Variants in SCLY observed in about 807,000 individuals in gnomAD.
SCLY encodes selenocysteine lyase.
In SCLY, 38 loss-of-function variants were observed where a neutral mutation model predicts 50.1. The observed-to-expected ratio is 0.76, with a 90% CI of 0.59 to 0.99. The LOEUF is 0.99. Ranked by LOEUF, SCLY falls within the 50% of genes least tolerant of loss-of-function variation. The pLI is 0.00. For missense variants in SCLY, 600 were observed against 620.0 expected, an observed-to-expected ratio of 0.97 and a Z score of 0.34; for synonymous variants, 243 against 249.4, an observed-to-expected ratio of 0.97 and a Z score of 0.24.
intron 4 of SCLY, among the ~76,000 whole-genome samples, chr2:238,071,510 A>G (rs1216324922): frequency 4.6e-5 from 7 of 152,104 alleles, no homozygotes; most frequent in African/African-American, 1.2e-4. Flanking sequence ...TCGGGAGGCT[A>G]AGGAGGAGAA....
intron 7 of SCLY, among the ~76,000 whole-genome samples, chr2:238,087,297 A>G (rs1163376931): frequency 6.6e-6 from 1 of 152,194 alleles, no homozygotes; most frequent in Non-Finnish European, 1.5e-5. Flanking sequence ...CAGAGAAGTT[A>G]TAACATCAGG....
At chr2:238,089,542 G>A (rs2065340368) in intron 7 of SCLY, among the ~76,000 whole-genome samples, 1 of 152,072 alleles carries the variant, frequency 6.6e-6, no homozygotes, top group South Asian at 2.1e-4. Flanking sequence ...CACCAAGCTT[G>A]TCCAACCTGC....
At position 238,083,310 on chromosome 2, in the gene SCLY, C is replaced by T; in HGVS notation, c.840C>T (p.Tyr280=). The change falls in exon 7 of 12, where the codon TAC becomes TAT. Residue 280 remains tyrosine (Y), a synonymous_variant. Transcript: ENST00000254663. This position sits in a 1 kb window ranked among gnomAD's most constrained non-coding sequence, Gnocchi z 4.3. ...IRGLGEFTPL[Y]PMLFGGGQER... ...GACTTGGTGAATTTACCCCTCTCTA[C>T]CCTATGCTATTTGGAGGTGGACAAG... The T allele has an allele frequency of 6.2e-7, 1 of 1,613,994 alleles. No individual in the cohort carries two copies.
At chr2:238,079,218 G>T (rs1256480425) in intron 4 of SCLY, 1 of 151,304 alleles carries the variant, frequency 6.6e-6, no homozygotes, top group East Asian at 1.9e-4. Flanking sequence ...GGGACTACAG[G>T]CATATCCCAT....
chr2:238,080,177 G>A (rs912696656), intron 4 of SCLY: 3 of 150,698 alleles, frequency 2.0e-5, no homozygotes, highest in Admixed American at 2.0e-4. Flanking sequence ...TCTATTTGAT[G>A]AGCCATTGTC....
chr2:238,063,256 G>GC (rs1335096710), intron 1 of SCLY, among the ~76,000 whole-genome samples: 1 of 141,792 alleles, frequency 7.1e-6, no homozygotes, highest in African/African-American at 2.6e-5. Flanking sequence ...TTTTGTTGTT[G>GC]TTTTTTTTTT....
chr2:238,061,709 A>G lies in SCLY; in HGVS notation c.89+566A>G, dbSNP rs538602724. 2.0e-5 allele frequency among the ~76,000 whole-genome samples: 3 copies of G among 152,116 alleles called. No individual in the cohort carries two copies. In the South Asian group the frequency reaches 6.2e-4, roughly 32 times the overall value. ...TGCGCCCAGAAACGGATGCGTTGGTAGGAAGCTGGTGCACTGGGGCAGGTG... is the reference window on the plus strand; with the variant it reads ...TGCGCCCAGAAACGGATGCGTTGGTGGGAAGCTGGTGCACTGGGGCAGGTG... On this transcript the variant is annotated intron_variant, in intron 1 of 11. Coordinates refer to ENST00000254663, the MANE Select transcript of SCLY (RefSeq NM_016510.7).
rs1420036586 is a variant in SCLY, at chr2:238,061,115, G to T, written c.61G>T (p.Gly21Cys). ...APAPAASQPS[G>C]CGKHNSPERK... ...GGCACCCGCGGCGAGTCAGCCCAGC[G>T]GCTGCGGGAAACACAACTCGCCGGA... The change falls in exon 1 of 12, where the codon GGC becomes TGC. Residue 21 changes from glycine to cysteine, a missense_variant. Physicochemically the swap from Gly to Cys is radical, Grantham distance 159. Transcript: ENST00000254663. 7 of 1,448,418 alleles carry T rather than the reference G, an allele frequency of 4.8e-6. No individual in the cohort carries two copies. In the South Asian group the frequency reaches 9.6e-5, roughly 20 times the overall value. 89.7% of individuals were successfully genotyped at this position (1,448,418 alleles called of 1,614,324 possible).
rs578167372 is a variant in SCLY at position 238,069,171 on chromosome 2, G to A, written c.304-126G>A. On this transcript the variant is annotated intron_variant, in intron 3 of 11. Transcript: ENST00000254663. This position sits in a 1 kb window ranked among gnomAD's most constrained non-coding sequence, Gnocchi z 5.0. ...CAAATCTTTCAAAAGGTCCCACTCA[G>A]GAAGTTGAATTTCTTTGAAGCTTTT... 83 of 829,400 alleles carry A rather than the reference G, an allele frequency of 1.0e-4. 1 individual carries two copies. Among genetic ancestry groups the A allele is most frequent in the Non-Finnish European group, 1.4e-4 (76 of 536,494 alleles). The allele number at this position is 829,400 out of a possible 1,614,324, so 51.4% of individuals were successfully genotyped here. A position where few individuals can be genotyped will look rare whatever the true frequency, so the allele number is the denominator to read the frequency against.
intron 2 of SCLY, among the ~76,000 whole-genome samples, chr2:238,065,839 T>TA (rs1321110369): frequency 6.6e-6 from 1 of 151,942 alleles, no homozygotes; most frequent in African/African-American, 2.4e-5. Context: ...CATGCCTGGC[T>TA]AATTTTTGTA....
intron 7 of SCLY, among the ~76,000 whole-genome samples, chr2:238,084,735 G>A (rs1331186365): frequency 1.4e-5 from 2 of 145,810 alleles, no homozygotes; most frequent in Non-Finnish European, 3.0e-5. Flanking sequence ...TCTACTAAAA[G>A]TACGAAAAAT....
intron 7 of SCLY, among the ~76,000 whole-genome samples, chr2:238,089,646 CG>C (rs1389951134): frequency 7.1e-5 from 8 of 112,066 alleles, no homozygotes; most frequent in African/African-American, 9.9e-5. Context: ...TTTTTTTTTG[CG>C]ATTTTTTTTT....
At position 238,084,948 on chromosome 2, in the gene SCLY, T is replaced by TG. The variant is rs1228397261; in HGVS notation, c.884+1596dup. On this transcript the variant is annotated intron_variant, in intron 7 of 11. Coordinates refer to ENST00000254663, the MANE Select transcript of SCLY (RefSeq NM_016510.7). ...TTCTACTTCCACTTGGCAGTGATGG[T>TG]GGCATACCCCTTCTCCTGCCAGCAC... is the stretch of plus-strand genomic sequence containing the variant. Among the ~76,000 whole-genome samples the TG allele has an allele frequency of 2.1e-5, 3 of 141,642 alleles. No homozygotes were observed. In the South Asian group the frequency reaches 6.6e-4, roughly 31 times the overall value. 92.9% of individuals were successfully genotyped at this position (141,642 alleles called of 152,430 possible). A position where few individuals can be genotyped will look rare whatever the true frequency, so the allele number is the denominator to read the frequency against.
chr2:238,096,140 T>G (rs2065431867), intron 10 of SCLY: 1 of 154,216 alleles, frequency 6.5e-6, no homozygotes, highest in South Asian at 2.0e-4. Context: ...ACTCCTGACC[T>G]CAGGCGATCC....
In SCLY at chr2:238,065,660, T is replaced by TTTTTTATTATTATTATTA. The variant is rs71402758; in HGVS notation, c.202+1193_202+1194insTTTATTATTATTATTATT. 2.0e-3 allele frequency among the ~76,000 whole-genome samples: 283 copies of TTTTTTATTATTATTATTA among 143,496 alleles called. 1 individual carries two copies. Among genetic ancestry groups the TTTTTTATTATTATTATTA allele is most frequent in the East Asian group, 3.0e-3 (15 of 5,000 alleles). The allele number at this position is 143,496 out of a possible 152,430, so 94.1% of individuals were successfully genotyped here. On this transcript the variant is annotated intron_variant, in intron 2 of 11. Coordinates refer to ENST00000254663, the MANE Select transcript of SCLY (RefSeq NM_016510.7). ...GTTATTTAAACTAATAATATTTTAT[T>TTTTTTATTATTATTATTA]TTATTATTATTATTATTATTATTAT...
intron 7 of SCLY, among the ~76,000 whole-genome samples, chr2:238,089,410 G>C (rs77537087): frequency 6.6e-6 from 1 of 152,022 alleles, no homozygotes; most frequent in Non-Finnish European, 1.5e-5. Context: ...TATGAGTTAC[G>C]GGTGCAGATA....
chr2:238,088,558 A>G (rs1384667390), intron 7 of SCLY, among the ~76,000 whole-genome samples: 2 of 152,204 alleles, frequency 1.3e-5, no homozygotes, highest in East Asian at 1.9e-4. Flanking sequence ...CGAGAGGATC[A>G]CTTGAGGCCA....
chr2:238,093,368 C>T (rs1170487710), intron 8 of SCLY: 2 of 174,838 alleles, frequency 1.1e-5, no homozygotes, highest in South Asian at 1.4e-4. Context: ...TCTGTCCCTG[C>T]GCCTTCACCC....
chr2:238,091,528 A>ACCACCG, intron 8 of SCLY: 841 of 462,300 alleles, frequency 1.8e-3, no homozygotes, highest in Admixed American at 4.5e-3. Context: ...AGCAGAGGTG[A>ACCACCG]AGTGTCAAGC....
Sources: gnomAD v4.1 joint callset for allele counts (sites outside exome capture counted in the v4.1 genomes callset) on GRCh38, gnomAD v4.1.1 for gene constraint, Gnocchi (gnomAD v3.1) non-coding constraint, MANE v1.5 for transcripts, NCBI Gene and HGNC (gene_info 2026-07-23, HGNC 2026-07-21) for gene names.